The following PLD1 variants were observed in gnomAD, a reference collection of about 807,000 sequenced individuals.
The protein encoded by PLD1 is phospholipase D1, also known as choline phosphatase 1.
PLD1 carries 112 observed loss-of-function variants against 137.1 expected under a neutral mutation model. The observed-to-expected ratio is 0.82, with a 90% confidence interval of 0.70 to 0.96. The LOEUF (loss-of-function observed/expected upper bound fraction) is 0.96. Ranked by LOEUF, PLD1 falls within the 40% of genes least tolerant of loss-of-function variation. The probability of loss-of-function intolerance (pLI) is 0.00; values close to 1 mark genes in which losing one functional copy is unlikely to be tolerated. For missense variants in PLD1, 1,321 were observed against 1,342.0 expected, an observed-to-expected ratio of 0.98 and a Z score of 0.24; for synonymous variants, 431 against 454.7, an observed-to-expected ratio of 0.95 and a Z score of 0.66.
In PLD1 at chr3:171,676,807, G is replaced by A. The variant is rs202167212; in HGVS notation, c.2023C>T (p.Arg675Trp). Residue 675 changes from arginine to tryptophan, a missense_variant, in exon 18 of 27, where the codon CGG (arginine) becomes TGG (tryptophan). Transcript: ENST00000351298. ...GAGGCAATGTCATGCCAGGGCATCC[G>A]GGGCGTGGAGTACCTGTCAATGAAA... ...ADFIDRYSTP[R>W]MPWHDIASAV... is the part of the protein sequence containing the mutation. The A allele has an allele frequency of 1.5e-5, 25 of 1,613,988 alleles. No homozygotes were observed. The Admixed American group carries it at 1.8e-4, about 12-fold the overall frequency.
intron 1 of PLD1, among the ~76,000 whole-genome samples, chr3:171,745,761 T>A (rs1178451775): frequency 3.3e-5 from 5 of 152,162 alleles, no homozygotes; most frequent in South Asian, 4.1e-4. Flanking sequence ...TCTTGGCACC[T>A]CCTCAGGCCA....
Position 171,699,824 on chromosome 3 carries a change from A to G in PLD1, c.1148T>C (p.Leu383Pro). The change falls in exon 12 of 27, where the codon CTG becomes CCG. Residue 383 changes from leucine to proline, a missense_variant and splice_region_variant. Leu to Pro is a moderately conservative substitution (Grantham distance 98). Coordinates refer to ENST00000351298, the MANE Select transcript of PLD1 (RefSeq NM_002662.5). ...NEEIFITDWWLSPEIFLKRPV... is the reference protein window; with the variant it reads ...NEEIFITDWWPSPEIFLKRPV... The stretch of plus-strand genomic sequence containing the variant: ...GCGTTTCAGGAAGATTTCTGGACTC[A>G]GCCTGAAACAATGAAACCAAGATTT... 1 of 1,612,152 alleles carries G rather than the reference A, an allele frequency of 6.2e-7. No individual in the cohort carries two copies. Among genetic ancestry groups the G allele is most frequent in the Non-Finnish European group, 8.5e-7 (1 of 1,178,260 alleles).
chr3:171,738,974 A>G (rs1221727660), intron 1 of PLD1, among the ~76,000 whole-genome samples: 3 of 152,232 alleles, frequency 2.0e-5, no homozygotes, highest in Non-Finnish European at 4.4e-5. Flanking sequence ...CGCTCATACC[A>G]GTAACTCTTT....
chr3:171,630,412 G>A (rs1271181389), intron 23 of PLD1, among the ~76,000 whole-genome samples: 1 of 129,640 alleles, frequency 7.7e-6, no homozygotes, highest in African/African-American at 3.5e-5. Context: ...TTACACTGTT[G>A]GTGGGACTGT....
chr3:171,639,993 C>T (rs1276929188), intron 23 of PLD1, among the ~76,000 whole-genome samples: 2 of 151,126 alleles, frequency 1.3e-5, no homozygotes, highest in Admixed American at 6.6e-5. Flanking sequence ...ATTTTATTTC[C>T]GTAAAGTCAG....
chr3:171,717,119 G>A (rs1560246325), intron 8 of PLD1, among the ~76,000 whole-genome samples: 1 of 152,110 alleles, frequency 6.6e-6, no homozygotes, highest in East Asian at 1.9e-4. Context: ...GCCCTGTAGT[G>A]TAGTTTGGAG....
chr3:171,688,741 G>A lies in PLD1; in HGVS notation c.1474C>T (p.His492Tyr). 6.2e-7 allele frequency: 1 copy of A among 1,614,122 alleles called. No individual in the cohort carries two copies. The highest frequency in any genetic ancestry group is 1.1e-5 in the South Asian group (1 of 91,082). The change falls in exon 14 of 27, where the codon CAC becomes TAC. Residue 492 changes from histidine (H) to tyrosine (Y), a missense_variant. His to Tyr is a moderately conservative substitution (Grantham distance 83). Transcript: ENST00000351298. ...ACACTGCCCACGTCTGTGAGTCTGT[G>A]CTCATTGTCGTCCCACCTTCCATAG... ...LAYGRWDDNEHRLTDVGSVKR... is the reference protein window; with the variant it reads ...LAYGRWDDNEYRLTDVGSVKR...
chr3:171,785,942 A>G (rs189961975), intron 1 of PLD1, among the ~76,000 whole-genome samples: 1 of 152,350 alleles, frequency 6.6e-6, no homozygotes, highest in Admixed American at 6.5e-5. Flanking sequence ...GCATGTAAAA[A>G]CCAAAGTGTT....
intron 9 of PLD1, among the ~76,000 whole-genome samples, chr3:171,711,923 T>C (rs1284154592): frequency 6.6e-6 from 1 of 151,172 alleles, no homozygotes; most frequent in Non-Finnish European, 1.5e-5. Context: ...AAATAAGTTA[T>C]CCAAATTTGA....
chr3:171,666,127 C>T (rs1054858682), intron 19 of PLD1: 3 of 152,234 alleles, frequency 2.0e-5, no homozygotes, highest in African/African-American at 7.2e-5. Context: ...GCTTTAAATG[C>T]TTGATGGCCT....
chr3:171,783,532 A>G (rs892252009), intron 1 of PLD1, among the ~76,000 whole-genome samples: 1 of 152,102 alleles, frequency 6.6e-6, no homozygotes, highest in Admixed American at 6.5e-5. Context: ...TACAAGACAG[A>G]GCATAAAAGT....
chr3:171,632,712 C>T (rs1259088466), intron 23 of PLD1, among the ~76,000 whole-genome samples: 4 of 152,050 alleles, frequency 2.6e-5, no homozygotes, highest in African/African-American at 7.2e-5. Context: ...TATGGCAGTC[C>T]TGGAAGCTGT....
intron 1 of PLD1, among the ~76,000 whole-genome samples, chr3:171,755,310 G>T (rs1720944778): frequency 6.6e-6 from 1 of 151,730 alleles, no homozygotes; most frequent in Non-Finnish European, 1.5e-5. Context: ...GCCTCCATTT[G>T]TACACTCCAC....
chr3:171,623,481 ATTT>A (rs5854440), intron 23 of PLD1, among the ~76,000 whole-genome samples: 26 of 146,014 alleles, frequency 1.8e-4, no homozygotes, highest in Admixed American at 2.7e-4. Flanking sequence ...CGCCTTGCTA[ATTT>A]TTTTTTTTTT....
Position 171,605,255 on chromosome 3 carries a change from G to T in PLD1, c.3000+44C>A, listed in dbSNP as rs551391506. 23 of 1,043,034 alleles carry T rather than the reference G, an allele frequency of 2.2e-5. No individual in the cohort carries two copies. The Admixed American group carries it at 2.9e-4, about 13-fold the overall frequency. 64.6% of individuals were successfully genotyped at this position (1,043,034 alleles called of 1,614,324 possible). A position where few individuals can be genotyped will look rare whatever the true frequency, so the allele number is the denominator to read the frequency against. On this transcript the variant is annotated intron_variant, in intron 26 of 26. Transcript: ENST00000351298. ...AATAACAATATGCTTTTTGTGATGAGATTCAGTGAAAAGAAACGGAGGAGG... is the reference window on the plus strand; with the variant it reads ...AATAACAATATGCTTTTTGTGATGATATTCAGTGAAAAGAAACGGAGGAGG...
At chr3:171,765,063 G>C (rs1346935628) in intron 1 of PLD1, 1 of 152,118 alleles carries the variant, frequency 6.6e-6, no homozygotes, top group Non-Finnish European at 1.5e-5. Context: ...GGAAAAGAGA[G>C]AGGTAGGGAG....
At chr3:171,643,029 C>A in intron 22 of PLD1, 140 bp from the exon 23 acceptor site, 1 of 583,096 alleles carries the variant, frequency 1.7e-6, no homozygotes. Flanking sequence ...TATCTAAATG[C>A]TAAAAACAGT....
At chr3:171,710,925 GT>G (rs1188395242) in intron 9 of PLD1, among the ~76,000 whole-genome samples, 1 of 137,110 alleles carries the variant, frequency 7.3e-6, no homozygotes, top group African/African-American at 3.0e-5. Flanking sequence ...CCAGGCTGGA[GT>G]GCAATGGCGC....
At chr3:171,608,001 TG>T (rs572617129) in intron 25 of PLD1, among the ~76,000 whole-genome samples, 159 of 152,326 alleles carry the variant, frequency 1.0e-3, no homozygotes, top group Non-Finnish European at 1.9e-3. Flanking sequence ...TATTTATCTT[TG>T]GGAATGTTTC....
Sources: allele counts gnomAD v4.1 joint callset (sites outside exome capture counted in the v4.1 genomes callset), GRCh38; gene constraint gnomAD v4.1.1; transcripts MANE v1.5; gene names NCBI Gene and HGNC (gene_info 2026-07-23, HGNC 2026-07-21).